The following MACROD2 variants were observed in gnomAD, a reference collection of about 807,000 sequenced individuals.
The protein encoded by MACROD2 is mono-ADP ribosylhydrolase 2.
In MACROD2, 36 loss-of-function variants were observed where a neutral mutation model predicts 70.4. That is an observed-to-expected ratio of 0.51 (90% CI 0.39 to 0.68). The LOEUF is 0.68. Among genes scored for constraint, MACROD2 ranks in the 30% least tolerant of loss-of-function variants. The probability of loss-of-function intolerance (pLI) is 0.00; values close to 1 mark genes in which losing one functional copy is unlikely to be tolerated. For synonymous variants in MACROD2, 172 were observed against 178.8 expected, an observed-to-expected ratio of 0.96 and a Z score of 0.30; for missense variants, 496 against 538.4, an observed-to-expected ratio of 0.92 and a Z score of 0.78.
chr20:14,215,468 A>T (rs1277983282), intron 3 of MACROD2, among the ~76,000 whole-genome samples: 1 of 152,020 alleles, frequency 6.6e-6, no homozygotes, highest in Non-Finnish European at 1.5e-5. Context: ...CTATAAACAT[A>T]CATGTTTAAG....
intron 5 of MACROD2, among the ~76,000 whole-genome samples, chr20:15,147,360 T>G (rs992392154): frequency 1.3e-5 from 2 of 152,144 alleles, no homozygotes; most frequent in Non-Finnish European, 2.9e-5. Flanking sequence ...TAGGAAATTT[T>G]GAAATATGGG....
intron 8 of MACROD2, among the ~76,000 whole-genome samples, chr20:15,515,645 A>T (rs1000258268): frequency 1.3e-5 from 2 of 152,238 alleles, no homozygotes; most frequent in African/African-American, 4.8e-5. Context: ...AAGCTTTGAC[A>T]AAAATGCATT....
At position 14,686,933 on chromosome 20, in the gene MACROD2, A is replaced by G. The variant is rs187657027; in HGVS notation, c.418+1974A>G. Among the ~76,000 whole-genome samples, 14 of 152,324 alleles carry G rather than the reference A, an allele frequency of 9.2e-5. 1 individual carries two copies. The highest frequency in any genetic ancestry group is 2.6e-4 in the Admixed American group (4 of 15,298). On this transcript the variant is annotated intron_variant, in intron 5 of 17. Transcript: ENST00000684519. ...CTACTTGGAATATGTACTTGTGTCAAACAAACCCTTTGTGTAGAATGGTGT... is the reference window on the plus strand; with the variant it reads ...CTACTTGGAATATGTACTTGTGTCAGACAAACCCTTTGTGTAGAATGGTGT...
chr20:15,832,872 C>T lies in MACROD2; in HGVS notation c.646-29873C>T, dbSNP rs116958251. Among the ~76,000 whole-genome samples the T allele has an allele frequency of 9.7e-4, 148 of 152,316 alleles. 1 individual carries two copies. The East Asian group carries it at 0.022, about 22-fold the overall frequency. On this transcript the variant is annotated intron_variant, in intron 8 of 17. Transcript: ENST00000684519. Reference sequence around the variant, plus strand: ...GTAACATGGAAAATCCCTTAAATTGCCAGGCTCTTATAATTGCAAAACAAT... The same window carrying T: ...GTAACATGGAAAATCCCTTAAATTGTCAGGCTCTTATAATTGCAAAACAAT...
At chr20:14,012,484 T>TA (rs772967998) in intron 2 of MACROD2, among the ~76,000 whole-genome samples, 85 of 152,326 alleles carry the variant, frequency 5.6e-4, no homozygotes, top group Non-Finnish European at 1.1e-3. Context: ...GGCATAGCTG[T>TA]AGTGATGCAA....
chr20:15,231,450 A>G (rs1451276449), intron 6 of MACROD2, among the ~76,000 whole-genome samples: 1 of 152,084 alleles, frequency 6.6e-6, no homozygotes, highest in African/African-American at 2.4e-5. Context: ...AAAAAGCAAA[A>G]GACTGAAGTG....
chr20:14,982,667 G>T (rs1259894193), intron 5 of MACROD2, among the ~76,000 whole-genome samples: 1 of 152,202 alleles, frequency 6.6e-6, no homozygotes, highest in East Asian at 1.9e-4. Flanking sequence ...AGCCTTGTGA[G>T]TGCACAGAAG....
intron 3 of MACROD2, among the ~76,000 whole-genome samples, chr20:14,297,666 A>C (rs1025440843): frequency 1.3e-5 from 2 of 151,956 alleles, no homozygotes; most frequent in Non-Finnish European, 2.9e-5. Flanking sequence ...TATGGAAAGA[A>C]GCCATTTCCA....
chr20:14,676,479 C>T (rs1047637748), intron 4 of MACROD2, among the ~76,000 whole-genome samples: 2 of 152,030 alleles, frequency 1.3e-5, no homozygotes, highest in Admixed American at 6.6e-5. Context: ...GGGTAAATAA[C>T]GAAATTAAGG....
intron 3 of MACROD2, among the ~76,000 whole-genome samples, chr20:14,254,827 C>T (rs2093586075): frequency 6.6e-6 from 1 of 152,074 alleles, no homozygotes; most frequent in Non-Finnish European, 1.5e-5. Flanking sequence ...GATGCAGTTT[C>T]TTCCTAGCCT....
At chr20:15,771,995 GA>G (rs1382972862) in intron 8 of MACROD2, among the ~76,000 whole-genome samples, 2 of 147,620 alleles carry the variant, frequency 1.4e-5, no homozygotes, top group African/African-American at 5.0e-5. Context: ...TGAGGCAGGA[GA>G]ATGGCATGAA....
intron 4 of MACROD2, among the ~76,000 whole-genome samples, chr20:14,504,074 CTT>C (rs376800404): frequency 2.2e-4 from 34 of 152,300 alleles, no homozygotes; most frequent in African/African-American, 7.2e-4. Context: ...AACTATCTCT[CTT>C]TCCTCTAAGA....
At chr20:15,712,076 A>G (rs936444047) in intron 8 of MACROD2, among the ~76,000 whole-genome samples, 4 of 152,222 alleles carry the variant, frequency 2.6e-5, no homozygotes, top group South Asian at 2.1e-4. Context: ...CACCAGTCCT[A>G]TTCTTTGGTG....
chr20:15,739,157 T>C (rs1026025169), intron 8 of MACROD2, among the ~76,000 whole-genome samples: 2 of 152,116 alleles, frequency 1.3e-5, no homozygotes, highest in African/African-American at 4.8e-5. Flanking sequence ...TGTCAATAAA[T>C]ATTTATTGGG....
At chr20:15,309,134 A>G (rs2077726776) in intron 6 of MACROD2, among the ~76,000 whole-genome samples, 1 of 152,192 alleles carries the variant, frequency 6.6e-6, no homozygotes, top group Non-Finnish European at 1.5e-5. Flanking sequence ...ACTTGTGTGC[A>G]TTGGAAGCCT....
At chr20:14,071,229 C>T in intron 2 of MACROD2, among the ~76,000 whole-genome samples, 1 of 135,820 alleles carries the variant, frequency 7.4e-6, no homozygotes, top group African/African-American at 2.7e-5. Flanking sequence ...GAAATAAAGA[C>T]AGTATTGGCC....
At chr20:15,588,320 C>T (rs1013410055) in intron 8 of MACROD2, among the ~76,000 whole-genome samples, 1 of 152,174 alleles carries the variant, frequency 6.6e-6, no homozygotes, top group Non-Finnish European at 1.5e-5. Flanking sequence ...CCCACAAAAC[C>T]ACTTTTTCCT....
chr20:14,682,336 C>A (rs1336823678), intron 4 of MACROD2, among the ~76,000 whole-genome samples: 2 of 151,852 alleles, frequency 1.3e-5, no homozygotes. Flanking sequence ...TTCCCTTATA[C>A]AGTAATCTCA....
chr20:15,641,131 C>T (rs769301782), intron 8 of MACROD2, among the ~76,000 whole-genome samples: 1 of 152,186 alleles, frequency 6.6e-6, no homozygotes, highest in Non-Finnish European at 1.5e-5. Flanking sequence ...TTGCAGAGGG[C>T]TCTTTCTTAT....
Sources: gnomAD v4.1 joint callset for allele counts (sites outside exome capture counted in the v4.1 genomes callset) on GRCh38, gnomAD v4.1.1 for gene constraint, MANE v1.5 for transcripts, NCBI Gene and HGNC (gene_info 2026-07-23, HGNC 2026-07-21) for gene names.